The following ZFAT variants were observed in gnomAD, a reference collection of about 807,000 sequenced individuals.
ZFAT encodes zinc finger and AT-hook domain containing.
Under a neutral mutation model 117.7 loss-of-function variants are expected in ZFAT, and 64 were observed. The ratio of observed to expected loss-of-function variants is 0.54; its 90% CI spans 0.44 to 0.67. ZFAT has a LOEUF of 0.67. Ranked by LOEUF, ZFAT falls within the 30% of genes least tolerant of loss-of-function variation. ZFAT has a pLI of 0.00. For missense variants in ZFAT, 1,433 were observed against 1,584.5 expected (o/e 0.90, Z 1.62); for synonymous variants, 679 against 615.0 (o/e 1.10, Z -1.54).
intron 10 of ZFAT, among the ~76,000 whole-genome samples, chr8:134,579,869 T>C (rs544563574): frequency 6.6e-6 from 1 of 151,566 alleles, no homozygotes; most frequent in South Asian, 2.1e-4. Flanking sequence ...CAAGAATCAC[T>C]TGAACCCAGG....
chr8:134,650,871 T>G (rs1168486619), intron 2 of ZFAT, among the ~76,000 whole-genome samples: 1 of 152,228 alleles, frequency 6.6e-6, no homozygotes, highest in Non-Finnish European at 1.5e-5. Flanking sequence ...AGAACAAATT[T>G]GGAACCCTAC....
chr8:134,513,361 C>T (rs1256863894), intron 13 of ZFAT, among the ~76,000 whole-genome samples: 1 of 152,148 alleles, frequency 6.6e-6, no homozygotes, highest in Admixed American at 6.5e-5. Context: ...CCACACCTAG[C>T]TAATTTTTGT....
rs190573368 is a variant in ZFAT, at chr8:134,612,454, A to G, written c.449-1799T>C. Among the ~76,000 whole-genome samples, 247 of 152,336 alleles carry G rather than the reference A, an allele frequency of 1.6e-3. 6 individuals carry two copies. Among genetic ancestry groups the G allele is most frequent in the Admixed American group, 0.015 (229 of 15,310 alleles). Reference sequence around the variant, plus strand: ...GGAATGCCTGAAGGGAAAAGATAAAATGGAGGAGTATTCTTTCTTAGGGAG... The same window carrying G: ...GGAATGCCTGAAGGGAAAAGATAAAGTGGAGGAGTATTCTTTCTTAGGGAG... On this transcript the variant is annotated intron_variant, in intron 3 of 15. Transcript: ENST00000377838.
chr8:134,806,751 GTATAA>G, the ZFAT span, among the ~76,000 whole-genome samples: 1 of 152,148 alleles, frequency 6.6e-6, no homozygotes, highest in Admixed American at 6.5e-5. Context: ...CTATGACTTT[GTATAA>G]TATATTCTTG....
Position 134,637,481 on chromosome 8 carries a change from C to T in ZFAT, c.428G>A (p.Gly143Asp). ...TTTACCTGCTTCTCCTTCCTCCTCA[C>T]CCAAATTCAGCACGATAATGCAGAT... ...KHICIIVLNL[G>D]EEEGEAGNES... The change falls in exon 3 of 16, where the codon GGT (glycine) becomes GAT (aspartate). Residue 143 changes from glycine (G) to aspartate (D), a missense_variant. By Grantham distance (94) the Gly-to-Asp change is moderately conservative. Transcript: ENST00000377838. The T allele has an allele frequency of 3.1e-6, 5 of 1,610,276 alleles. No homozygotes were observed. The highest frequency in any genetic ancestry group is 4.2e-6 in the Non-Finnish European group (5 of 1,176,614).
chr8:134,736,337 T>C, the ZFAT span, among the ~76,000 whole-genome samples: 3 of 152,174 alleles, frequency 2.0e-5, no homozygotes. Flanking sequence ...ACCTTTCATG[T>C]GCAAAGTAGA....
At chr8:134,697,020 C>A (rs1035221187) in intron 1 of ZFAT, among the ~76,000 whole-genome samples, 6 of 151,832 alleles carry the variant, frequency 4.0e-5, no homozygotes, top group Non-Finnish European at 7.4e-5. Context: ...CAGGTTCAAG[C>A]GATCCTCCCA....
chr8:134,788,478 T>TA, the ZFAT span, among the ~76,000 whole-genome samples: 1 of 152,178 alleles, frequency 6.6e-6, no homozygotes, highest in Admixed American at 6.6e-5. Context: ...GAATGTAAGA[T>TA]GAATGCTTTT....
chr8:134,809,055 C>T, the ZFAT span, among the ~76,000 whole-genome samples: 8 of 152,300 alleles, frequency 5.3e-5, no homozygotes, highest in Admixed American at 4.6e-4. Context: ...GATACAAATA[C>T]CCTTTGGTGT....
chr8:134,755,831 A>AG, the ZFAT span, among the ~76,000 whole-genome samples: 21 of 150,882 alleles, frequency 1.4e-4, no homozygotes, highest in East Asian at 3.9e-4. Flanking sequence ...AAAAAAAAAA[A>AG]AAAAAGAAAA....
the ZFAT span, among the ~76,000 whole-genome samples, chr8:134,827,419 A>C: frequency 1.3e-5 from 2 of 152,146 alleles, no homozygotes; most frequent in African/African-American, 2.4e-5. Flanking sequence ...CTTTTTAAAA[A>C]TCCCATGTAG....
intron 1 of ZFAT, among the ~76,000 whole-genome samples, chr8:134,702,961 G>A (rs139892458): frequency 0.011 from 1,724 of 152,294 alleles, 17 homozygotes; most frequent in Non-Finnish European, 0.019. Context: ...GTGAGCCACC[G>A]CACCCAGCCT....
At chr8:134,590,098 A>C (rs1014391455) in intron 8 of ZFAT, among the ~76,000 whole-genome samples, 170 bp downstream of exon 8, 2 of 152,272 alleles carry the variant, frequency 1.3e-5, no homozygotes, top group Non-Finnish European at 2.9e-5. Flanking sequence ...AAGGAAATAA[A>C]TAATTACATC....
rs1242132074 is a variant in ZFAT, at chr8:134,672,383, A to C, written c.20-14646T>G. Among the ~76,000 whole-genome samples, 22 of 152,190 alleles carry C rather than the reference A, an allele frequency of 1.4e-4. 1 individual carries two copies. Among genetic ancestry groups the C allele is most frequent in the Admixed American group, 6.5e-4 (10 of 15,276 alleles). ...GAGAACACTTGGACACAGGAAAGGG[A>C]ACATCACACACCGGGGCCTGTTGTA... is the stretch of plus-strand genomic sequence containing the variant. On this transcript the variant is annotated intron_variant, in intron 1 of 15. Coordinates refer to ENST00000377838, the MANE Select transcript of ZFAT (RefSeq NM_020863.4).
At chr8:134,513,216 G>C (rs1443330468) in intron 13 of ZFAT, among the ~76,000 whole-genome samples, 1 of 60,236 alleles carries the variant, frequency 1.7e-5, no homozygotes, top group Non-Finnish European at 3.5e-5. Flanking sequence ...TTTTTTTTTT[G>C]AGACAGAGTC....
At chr8:134,574,764 G>C (rs992548700) in intron 10 of ZFAT, among the ~76,000 whole-genome samples, 3 of 152,002 alleles carry the variant, frequency 2.0e-5, no homozygotes, top group African/African-American at 7.2e-5. Flanking sequence ...AATCTCAACT[G>C]TTATTAGTAA....
chr8:134,755,464 G>A, the ZFAT span, among the ~76,000 whole-genome samples: 1 of 148,520 alleles, frequency 6.7e-6, no homozygotes, highest in Non-Finnish European at 1.5e-5. Flanking sequence ...TTACATGGAT[G>A]AATTACATAG....
chr8:134,498,742 G>A (rs71528359), intron 15 of ZFAT, among the ~76,000 whole-genome samples: 2 of 16,018 alleles, frequency 1.2e-4, no homozygotes, highest in Non-Finnish European at 2.3e-4. Context: ...TTGGGGTGGA[G>A]CTGGGATGCC....
chr8:134,802,896 T>C, the ZFAT span, among the ~76,000 whole-genome samples: 3 of 152,178 alleles, frequency 2.0e-5, no homozygotes, highest in Admixed American at 6.5e-5. Flanking sequence ...GCTAACCTTA[T>C]AGGCCAATGG....
Sources: gnomAD v4.1 joint callset for allele counts (sites outside exome capture counted in the v4.1 genomes callset) on GRCh38, gnomAD v4.1.1 for gene constraint, MANE v1.5 for transcripts, NCBI Gene and HGNC (gene_info 2026-07-23, HGNC 2026-07-21) for gene names.